The following SLC15A5 variants were observed in gnomAD, a reference collection of about 807,000 sequenced individuals.
The protein encoded by SLC15A5 is solute carrier family 15 member 5, also known as Peptide/histidine transporter ENSP00000340402.
SLC15A5 carries 58 observed loss-of-function variants against 56.1 expected under a neutral mutation model. The ratio of observed to expected loss-of-function variants is 1.03; its 90% CI spans 0.84 to 1.29. SLC15A5 has a LOEUF of 1.29. SLC15A5 is among the 50% of genes most tolerant of loss of function. The probability of loss-of-function intolerance (pLI) is 0.00; values close to 1 mark genes in which losing one functional copy is unlikely to be tolerated. For synonymous variants in SLC15A5, 264 were observed against 250.5 expected, an observed-to-expected ratio of 1.05 and a Z score of -0.51; for missense variants, 681 against 672.1, an observed-to-expected ratio of 1.01 and a Z score of -0.15.
intron 2 of SLC15A5, among the ~76,000 whole-genome samples, chr12:16,260,954 C>A (rs1864637740): frequency 6.6e-6 from 1 of 152,068 alleles, no homozygotes; most frequent in African/African-American, 2.4e-5. Context: ...ATTGACCATA[C>A]AAATGTAGGT....
intron 7 of SLC15A5, among the ~76,000 whole-genome samples, chr12:16,211,518 T>C (rs1181990714): frequency 6.6e-6 from 1 of 152,164 alleles, no homozygotes; most frequent in Non-Finnish European, 1.5e-5. Context: ...TCTTAAATAT[T>C]TTGCTTCGGA....
chr12:16,190,945 ACT>A (rs1863833660), intron 8 of SLC15A5, among the ~76,000 whole-genome samples: 1 of 151,912 alleles, frequency 6.6e-6, no homozygotes, highest in East Asian at 1.9e-4. Context: ...AAAAACAAAC[ACT>A]CTCTGCCCAC....
intron 5 of SLC15A5, among the ~76,000 whole-genome samples, chr12:16,229,134 C>T (rs143191985): frequency 1.6e-4 from 24 of 152,314 alleles, no homozygotes; most frequent in South Asian, 4.1e-4. Flanking sequence ...CACCCAGCAG[C>T]CAGATTGAGC....
Position 16,257,760 on chromosome 12 carries a change from A to C in SLC15A5, c.695T>G (p.Leu232Arg), listed in dbSNP as rs1398428990. ...LVLLIPFMSM[L>R]MAVITLHMIY... The stretch of plus-strand genomic sequence containing the variant: ...CATATGAAGAGTTATCACAGCCATA[A>C]GCATAGACATAAAAGGAATAAGTAA... Residue 232 changes from leucine (L) to arginine (R), a missense_variant, in exon 3 of 9, where the codon CTT (leucine) becomes CGT (arginine). Leu to Arg is a moderately radical substitution (Grantham distance 102). Transcript: ENST00000344941. 2 of 1,530,474 alleles carry C rather than the reference A, an allele frequency of 1.3e-6. No homozygotes were observed. Among genetic ancestry groups the C allele is most frequent in the Non-Finnish European group, 1.7e-6 (2 of 1,144,704 alleles). The allele number at this position is 1,530,474 out of a possible 1,614,324, so 94.8% of individuals were successfully genotyped here.
At chr12:16,230,635 C>A (rs146026231) in intron 5 of SLC15A5, among the ~76,000 whole-genome samples, 7 of 151,768 alleles carry the variant, frequency 4.6e-5, no homozygotes, top group Non-Finnish European at 1.0e-4. Context: ...AAGACAAGGC[C>A]GGGCGCGGTG....
At position 16,259,024 on chromosome 12, in the gene SLC15A5, C is replaced by CTTTTTTTTTTTTTTTTT. The variant is rs5796661; in HGVS notation, c.585-1171_585-1155dup. On this transcript the variant is annotated intron_variant, in intron 2 of 8. Transcript: ENST00000344941. ...TTTTTCTTTTTCTTTTCTTTCTTTC[C>CTTTTTTTTTTTTTTTTT]TTTTTTTTTTTTTTTTTTTTTTTTT... 1.3e-4 allele frequency among the ~76,000 whole-genome samples: 8 copies of CTTTTTTTTTTTTTTTTT among 63,234 alleles called. 2 individuals are homozygous for CTTTTTTTTTTTTTTTTT. In the East Asian group the frequency reaches 1.7e-3, roughly 13 times the overall value. 41.5% of individuals were successfully genotyped at this position (63,234 alleles called of 152,430 possible).
intron 2 of SLC15A5, 92 bp from the exon 3 acceptor site, chr12:16,257,962 A>G (rs1306740078): frequency 3.5e-6 from 4 of 1,156,756 alleles, no homozygotes; most frequent in Non-Finnish European, 4.5e-6. Context: ...AATGTAAACT[A>G]CCAAATGATG....
intron 3 of SLC15A5, among the ~76,000 whole-genome samples, chr12:16,255,410 C>A (rs1169468152): frequency 6.6e-6 from 1 of 152,040 alleles, no homozygotes; most frequent in African/African-American, 2.4e-5. Flanking sequence ...TTTCCACTCT[C>A]AAATTGGCAA....
At chr12:16,242,250 G>A (rs551521204) in intron 4 of SLC15A5, among the ~76,000 whole-genome samples, 1 of 152,170 alleles carries the variant, frequency 6.6e-6, no homozygotes, top group Non-Finnish European at 1.5e-5. Context: ...ACTAAACCCA[G>A]CCTATCCTAT....
At chr12:16,228,474 A>G (rs764225894) in intron 5 of SLC15A5, among the ~76,000 whole-genome samples, 16 of 152,240 alleles carry the variant, frequency 1.1e-4, no homozygotes, top group Non-Finnish European at 1.8e-4. Context: ...GATCTCTTCC[A>G]CATCTGTGGT....
chr12:16,268,668 T>C (rs1379070802), intron 2 of SLC15A5, among the ~76,000 whole-genome samples: 2 of 152,208 alleles, frequency 1.3e-5, no homozygotes, highest in Non-Finnish European at 2.9e-5. Context: ...ATAATTGCTA[T>C]AAAATTGTCA....
In SLC15A5 at chr12:16,230,156, G is replaced by A. The variant is rs1864282213; in HGVS notation, c.1163-5554C>T. Among the ~76,000 whole-genome samples, 4 of 152,124 alleles carry A rather than the reference G, an allele frequency of 2.6e-5. No individual in the cohort carries two copies. In the South Asian group the frequency reaches 8.3e-4, roughly 32 times the overall value. ...AAAAAAGTTATCCTCTAAAGGAAAA[G>A]AAATGTATAGAATGTTTAGAATACG... On this transcript the variant is annotated intron_variant, in intron 5 of 8. Transcript: ENST00000344941.
intron 7 of SLC15A5, 123 bp from the exon 8 acceptor site, chr12:16,194,576 A>G (rs1565654753): frequency 1.8e-6 from 1 of 565,660 alleles, no homozygotes; most frequent in Non-Finnish European, 2.9e-6. Flanking sequence ...AAAAAAGCTC[A>G]TCTGAAACTT....
At chr12:16,221,404 A>G (rs535035240) in intron 6 of SLC15A5, among the ~76,000 whole-genome samples, 8 of 152,330 alleles carry the variant, frequency 5.3e-5, no homozygotes, top group Non-Finnish European at 1.2e-4. Flanking sequence ...AAGCTCAATA[A>G]TGAGAAGCCA....
chr12:16,205,358 G>C (rs929259147), intron 7 of SLC15A5, among the ~76,000 whole-genome samples: 2 of 151,352 alleles, frequency 1.3e-5, no homozygotes, highest in African/African-American at 2.4e-5. Context: ...TTTAATTCTC[G>C]ATAGTCTTTA....
rs537514989 is a variant in SLC15A5 at position 16,224,448 on chromosome 12, T to A, written c.1317A>T (p.Leu439Phe). 1.4e-5 allele frequency: 22 copies of A among 1,537,212 alleles called. No individual in the cohort carries two copies. In the African/African-American group the frequency reaches 3.0e-4, roughly 21 times the overall value. Residue 439 changes from leucine (L) to phenylalanine (F), a missense_variant, in exon 6 of 9, where the codon TTA (leucine) becomes TTT (phenylalanine). Transcript: ENST00000344941. ...PCFYLILQYV[L>F]LGVAETLVNP... Reference sequence around the variant, plus strand: ...TTACCAGTGTTTCCGCCACTCCAAGTAAAACATACTGAAGAATCAGGTAGA... The same window carrying A: ...TTACCAGTGTTTCCGCCACTCCAAGAAAAACATACTGAAGAATCAGGTAGA...
chr12:16,243,444 G>GTTAA lies in SLC15A5; in HGVS notation c.975+1135_975+1136insTTAA, dbSNP rs1864431811. Among the ~76,000 whole-genome samples the GTTAA allele has an allele frequency of 1.3e-5, 2 of 152,050 alleles. No individual in the cohort carries two copies. On this transcript the variant is annotated intron_variant, in intron 4 of 8. Coordinates refer to ENST00000344941, the MANE Select transcript of SLC15A5 (RefSeq NM_001170798.1). This position sits in a 1 kb window ranked among gnomAD's most constrained non-coding sequence, Gnocchi z 4.4. ...AGCTGGTTTCGAATTCCCGATCTCA[G>GTTAA]GTAATCTGCCTGCCTCGGCCTCCCA...
At chr12:16,248,927 A>C (rs985386759) in intron 3 of SLC15A5, among the ~76,000 whole-genome samples, 2 of 152,086 alleles carry the variant, frequency 1.3e-5, no homozygotes, top group Non-Finnish European at 2.9e-5. Context: ...AAAACAGATG[A>C]GCTATTTTAA....
Position 16,217,036 on chromosome 12 carries a change from A to G in SLC15A5, c.1352-12T>C, listed in dbSNP as rs1296948841. ...TGATATTACAGAGACTGAGAGAAAA[A>G]GAGAGGTCAGAATTTAGAACTTTCT... On this transcript the variant is annotated splice_polypyrimidine_tract_variant and intron_variant, in intron 6 of 8. Coordinates refer to ENST00000344941, the MANE Select transcript of SLC15A5 (RefSeq NM_001170798.1). The G allele has an allele frequency of 6.5e-7, 1 of 1,528,928 alleles. No individual in the cohort carries two copies. Among genetic ancestry groups the G allele is most frequent in the Admixed American group, 2.1e-5 (1 of 48,672 alleles). 94.7% of individuals were successfully genotyped at this position (1,528,928 alleles called of 1,614,324 possible). A position where few individuals can be genotyped will look rare whatever the true frequency, so the allele number is the denominator to read the frequency against.
Sources: gnomAD v4.1 joint callset for allele counts (sites outside exome capture counted in the v4.1 genomes callset) on GRCh38, gnomAD v4.1.1 for gene constraint, Gnocchi (gnomAD v3.1) non-coding constraint, MANE v1.5 for transcripts, NCBI Gene and HGNC (gene_info 2026-07-23, HGNC 2026-07-21) for gene names.